The following SHC4 variants were observed in gnomAD, a reference collection of about 807,000 sequenced individuals.
SHC4 encodes SHC-transforming protein 4.
Under a neutral mutation model 69.4 loss-of-function variants are expected in SHC4, and 41 were observed. The observed-to-expected ratio is 0.59, with a 90% CI of 0.46 to 0.77. SHC4 has a LOEUF of 0.77. Among genes scored for constraint, SHC4 ranks in the 30% least tolerant of loss-of-function variants. SHC4 has a pLI of 0.00. For missense variants in SHC4, 777 were observed against 783.8 expected (o/e 0.99, Z 0.10); for synonymous variants, 318 against 299.3 (o/e 1.06, Z -0.64).
chr15:48,963,222 G>C lies in SHC4; in HGVS notation c.-207C>G. On this transcript the variant is annotated 5_prime_UTR_variant, in exon 1 of 12. Transcript: ENST00000332408. Reference sequence around the variant, plus strand: ...AAACGCCTCCCCTGCTCTGATTTCAGTCTCTCCCTGGCCCAGGCAGAGGCA... The same window carrying C: ...AAACGCCTCCCCTGCTCTGATTTCACTCTCTCCCTGGCCCAGGCAGAGGCA... The C allele has an allele frequency of 1.8e-6, 1 of 557,876 alleles. No individual in the cohort carries two copies. The highest frequency in any genetic ancestry group is 3.1e-6 in the Non-Finnish European group (1 of 321,120). The allele number at this position is 557,876 out of a possible 1,614,324, so 34.6% of individuals were successfully genotyped here.
chr15:48,859,905 G>A (rs1899407588), intron 6 of SHC4, among the ~76,000 whole-genome samples: 1 of 152,164 alleles, frequency 6.6e-6, no homozygotes, highest in African/African-American at 2.4e-5. Context: ...TAATTCACTA[G>A]TCCCAGATAC....
At chr15:48,850,531 A>G (rs1899189797) in intron 9 of SHC4, among the ~76,000 whole-genome samples, 1 of 152,198 alleles carries the variant, frequency 6.6e-6, no homozygotes, top group Non-Finnish European at 1.5e-5. Flanking sequence ...CTCCCCCTCT[A>G]AAACTGCAAA....
At chr15:48,921,337 T>C (rs1350348404) in intron 2 of SHC4, among the ~76,000 whole-genome samples, 1 of 151,388 alleles carries the variant, frequency 6.6e-6, no homozygotes, top group South Asian at 2.1e-4. Context: ...TATCGTTTTT[T>C]TTTTTTTTTC....
chr15:48,927,566 T>C (rs1001783030), intron 1 of SHC4, among the ~76,000 whole-genome samples: 1 of 152,142 alleles, frequency 6.6e-6, no homozygotes. Flanking sequence ...CTGGCATCTA[T>C]GATCAAAACA....
intron 1 of SHC4, among the ~76,000 whole-genome samples, chr15:48,954,992 A>G (rs1255586911): frequency 6.6e-6 from 1 of 152,214 alleles, no homozygotes; most frequent in Non-Finnish European, 1.5e-5. Flanking sequence ...CTCTTCATGA[A>G]ATGGGAACAG....
chr15:48,955,218 A>C (rs1040896538), intron 1 of SHC4, among the ~76,000 whole-genome samples: 6 of 152,158 alleles, frequency 3.9e-5, no homozygotes, highest in Non-Finnish European at 7.3e-5. Context: ...GAAGGGGAAA[A>C]TGAAAGACAA....
At chr15:48,903,326 A>G (rs889030715) in intron 2 of SHC4, among the ~76,000 whole-genome samples, 4 of 152,312 alleles carry the variant, frequency 2.6e-5, no homozygotes, top group African/African-American at 9.6e-5. Flanking sequence ...TGAAAAGACT[A>G]TCTCTGGATG....
intron 1 of SHC4, among the ~76,000 whole-genome samples, chr15:48,930,534 G>A (rs1049232423): frequency 1.3e-5 from 2 of 152,204 alleles, no homozygotes. Flanking sequence ...CTACTTGGGA[G>A]GCTGAGGCAG....
At chr15:48,866,790 G>C (rs1899569899) in intron 6 of SHC4, among the ~76,000 whole-genome samples, 1 of 152,114 alleles carries the variant, frequency 6.6e-6, no homozygotes, top group Non-Finnish European at 1.5e-5. Flanking sequence ...CTTAATAAAT[G>C]TTTGGGGGCA....
chr15:48,842,676 C>T (rs1163541104), intron 10 of SHC4, among the ~76,000 whole-genome samples: 3 of 152,176 alleles, frequency 2.0e-5, no homozygotes, highest in East Asian at 1.9e-4. Context: ...TGCCTGTAAT[C>T]CCAATGCTTT....
Position 48,884,231 on chromosome 15 carries a change from G to T in SHC4, c.840+17C>A. 6.3e-7 allele frequency: 1 copy of T among 1,580,892 alleles called. No individual in the cohort carries two copies. The highest frequency in any genetic ancestry group is 1.2e-5 in the South Asian group (1 of 84,638). ...AAAATAGATATGTTTATCTATAAATGACATTTGTGATCTTACCTGTTGGTT... is the reference window on the plus strand; with the variant it reads ...AAAATAGATATGTTTATCTATAAATTACATTTGTGATCTTACCTGTTGGTT... On this transcript the variant is annotated intron_variant, in intron 4 of 11. Coordinates refer to ENST00000332408, the MANE Select transcript of SHC4 (RefSeq NM_203349.4).
intron 1 of SHC4, among the ~76,000 whole-genome samples, chr15:48,945,472 T>C (rs1901259208): frequency 6.6e-6 from 1 of 152,156 alleles, no homozygotes; most frequent in African/African-American, 2.4e-5. Context: ...AACCCGAAGG[T>C]CCAGTAACTG....
intron 8 of SHC4, among the ~76,000 whole-genome samples, chr15:48,855,235 T>A (rs1406368410): frequency 6.6e-6 from 1 of 151,816 alleles, no homozygotes; most frequent in Non-Finnish European, 1.5e-5. Flanking sequence ...AAATAAAAGT[T>A]GAAATTATAA....
intron 1 of SHC4, among the ~76,000 whole-genome samples, chr15:48,943,912 G>A (rs1331741985): frequency 2.6e-5 from 4 of 152,004 alleles, no homozygotes; most frequent in Non-Finnish European, 4.4e-5. Flanking sequence ...CTGGCTTCCA[G>A]GGAAGCTGAG....
At chr15:48,878,671 T>G in intron 4 of SHC4, 2 of 1,614,034 alleles carry the variant, frequency 1.2e-6, no homozygotes, top group Non-Finnish European at 1.7e-6. Context: ...TCGAAGAGCT[T>G]TTTTCACTGA....
At chr15:48,942,282 C>G (rs1249241215) in intron 1 of SHC4, among the ~76,000 whole-genome samples, 1 of 152,154 alleles carries the variant, frequency 6.6e-6, no homozygotes, top group Non-Finnish European at 1.5e-5. Context: ...AACAAGATCA[C>G]CCCGCAGTAC....
chr15:48,882,739 T>A lies in SHC4; in HGVS notation c.840+1509A>T, dbSNP rs551107579. Among the ~76,000 whole-genome samples the A allele has an allele frequency of 1.4e-4, 21 of 152,356 alleles. 1 individual carries two copies. The South Asian group carries it at 4.1e-3, about 30-fold the overall frequency. ...CTCTGAGATAACCCGAGGGCTCCTT[T>A]ACTTAGTGAGATCTCATAACTAAAA... On this transcript the variant is annotated intron_variant, in intron 4 of 11. Coordinates refer to ENST00000332408, the MANE Select transcript of SHC4 (RefSeq NM_203349.4).
At chr15:48,877,995 C>T (rs1899848455) in intron 4 of SHC4, 1 of 648,202 alleles carries the variant, frequency 1.5e-6, no homozygotes, top group Non-Finnish European at 2.4e-6. Context: ...ACGCCAACAC[C>T]CCGGAGAAAA....
At chr15:48,936,022 AATT>A (rs1901062402) in intron 1 of SHC4, among the ~76,000 whole-genome samples, 1 of 152,166 alleles carries the variant, frequency 6.6e-6, no homozygotes, top group Admixed American at 6.5e-5. Flanking sequence ...TTACTGCTGA[AATT>A]ATTATGTATT....
Sources: gnomAD v4.1 joint callset for allele counts (sites outside exome capture counted in the v4.1 genomes callset) on GRCh38, gnomAD v4.1.1 for gene constraint, MANE v1.5 for transcripts, NCBI Gene and HGNC (gene_info 2026-07-23, HGNC 2026-07-21) for gene names.